APC2: variants seen among roughly 807,000 people sequenced by gnomAD.
APC2 encodes APC regulator of Wnt signaling pathway 2, also known as adenomatous polyposis coli protein 2.
APC2 carries 41 observed loss-of-function variants against 72.5 expected under a neutral mutation model. That is an observed-to-expected ratio of 0.57 (90% CI 0.44 to 0.73). The LOEUF is 0.73. Ranked by LOEUF, APC2 falls within the 30% of genes least tolerant of loss-of-function variation. The pLI, the probability that APC2 is intolerant of heterozygous loss-of-function variation, is 0.00. For synonymous variants in APC2, 1,898 were observed against 1,612.0 expected (o/e 1.18, Z -4.25); for missense variants, 3,729 against 3,403.4 (o/e 1.10, Z -2.38).
chr19:1,457,489 T>C (rs922319942), intron 9 of APC2: 8 of 572,980 alleles, frequency 1.4e-5, no homozygotes, highest in African/African-American at 8.1e-5. Flanking sequence ...TGGGTAACTC[T>C]GGAAAGTTGG....
At chr19:1,464,632 CTT>C (rs1010096440) in intron 14 of APC2, among the ~76,000 whole-genome samples, 3 of 123,706 alleles carry the variant, frequency 2.4e-5, no homozygotes, top group East Asian at 2.3e-4. Context: ...CTGTTTTTTC[CTT>C]TTTTTTTTTT....
rs1408101539 is a variant in APC2 at position 1,456,303 on chromosome 19, C to A, written c.718-3C>A. 11 of 1,606,178 alleles carry A rather than the reference C, an allele frequency of 6.8e-6. No individual in the cohort carries two copies. In the East Asian group the frequency reaches 2.2e-4, roughly 33 times the overall value. The stretch of plus-strand genomic sequence containing the variant: ...ACCCCCGACCCTGGTGCTCTCCCTG[C>A]AGGCCTTGCTGGCGGTGAAGTCGGT... On this transcript the variant is annotated splice_polypyrimidine_tract_variant and splice_region_variant and intron_variant, in intron 7 of 14. Coordinates refer to ENST00000590469, the MANE Select transcript of APC2 (RefSeq NM_005883.3).
chr19:1,462,752 C>T (rs1398186183), intron 14 of APC2, among the ~76,000 whole-genome samples: 8 of 150,146 alleles, frequency 5.3e-5, no homozygotes, highest in Non-Finnish European at 8.9e-5. Flanking sequence ...GGGCGGATCA[C>T]GAGGTCAGGA....
chr19:1,453,557 T>C lies in APC2; in HGVS notation c.359T>C (p.Phe120Ser), dbSNP rs768415772. Reference protein sequence around the residue: ...VHGSGPSKDSFGELSRATIRL... With the variant: ...VHGSGPSKDSSGELSRATIRL... ...GGCTCCGGGCCCTCCAAGGACAGCT[T>C]TGGGGAGCTGAGCCGGGCCACCATC... The change falls in exon 4 of 15, where the codon TTT becomes TCT. Residue 120 changes from phenylalanine to serine, a missense_variant. Physicochemically the swap from Phe to Ser is radical, Grantham distance 155. Coordinates refer to ENST00000590469, the MANE Select transcript of APC2 (RefSeq NM_005883.3). 9 of 1,611,160 alleles carry C rather than the reference T, an allele frequency of 5.6e-6. No individual in the cohort carries two copies. The African/African-American group carries it at 6.7e-5, about 12-fold the overall frequency.
intron 13 of APC2, 135 bp from the exon 14 acceptor site, chr19:1,461,828 G>C: frequency 1.4e-6 from 1 of 720,086 alleles, no homozygotes; most frequent in Non-Finnish European, 2.2e-6. Context: ...CTCCAGCCTG[G>C]GGGAGAGAGT....
At position 1,457,149 on chromosome 19, in the gene APC2, G is replaced by T; in HGVS notation, c.1113G>T (p.Leu371=). ...QGLARKEMRV[L]HVLEQIRAYC... ...TGGCGCGCAAGGAGATGCGCGTCCT[G>T]CACGTGCTGGAGCAGATCCGGGCCT... The change falls in exon 9 of 15, where the codon CTG becomes CTT. Residue 371 remains leucine, a synonymous_variant. Transcript: ENST00000590469. 1.3e-6 allele frequency: 2 copies of T among 1,588,062 alleles called. No individual in the cohort carries two copies. Among genetic ancestry groups the T allele is most frequent in the Non-Finnish European group, 8.5e-7 (1 of 1,169,944 alleles).
intron 10 of APC2, among the ~76,000 whole-genome samples, chr19:1,458,775 G>A (rs2083878882): frequency 6.6e-6 from 1 of 151,944 alleles, no homozygotes. Context: ...GGAGTGCAGT[G>A]GTACAATCTC....
Position 1,450,299 on chromosome 19 carries a change from C to G in APC2, c.-58C>G. ...GGAGCCGCGCAGAGGGAGGAGGCCC[C>G]AGACCCAGGCGCCCCGCCAGCCCAG... On this transcript the variant is annotated 5_prime_UTR_variant, in exon 1 of 15. Transcript: ENST00000590469. 1 of 985,476 alleles carries G rather than the reference C, an allele frequency of 1.0e-6. No homozygotes were observed. The highest frequency in any genetic ancestry group is 1.2e-6 in the Non-Finnish European group (1 of 829,950). 61.0% of individuals were successfully genotyped at this position (985,476 alleles called of 1,614,324 possible).
chr19:1,451,016 G>A (rs902963501), intron 1 of APC2, among the ~76,000 whole-genome samples: 4 of 152,214 alleles, frequency 2.6e-5, no homozygotes, highest in Non-Finnish European at 4.4e-5. Context: ...GCCATGGAAG[G>A]TGTTTGAGCA....
At chr19:1,448,522 G>A (rs182931055), upstream of APC2, among the ~76,000 whole-genome samples, 548 of 150,912 alleles carry the variant, frequency 3.6e-3, 9 homozygotes, top group African/African-American at 0.013. Context: ...CTGCAGCCTG[G>A]GGGACAGAGC....
At chr19:1,453,203 G>C (rs771120331) in intron 2 of APC2, 44 bp from the exon 3 acceptor site, 6 of 1,563,718 alleles carry the variant, frequency 3.8e-6, no homozygotes, top group Admixed American at 3.8e-5. Flanking sequence ...CGGCAGCCCA[G>C]TGCAGTGGCT....
At chr19:1,454,934 A>G (rs997562768) in intron 4 of APC2, among the ~76,000 whole-genome samples, 83 of 150,050 alleles carry the variant, frequency 5.5e-4, no homozygotes, top group African/African-American at 2.0e-3. Flanking sequence ...TGTTGCCCAG[A>G]CTGTTTTCTC....
chr19:1,450,852 A>T (rs1374930262), intron 1 of APC2, among the ~76,000 whole-genome samples: 2 of 152,172 alleles, frequency 1.3e-5, no homozygotes, highest in Non-Finnish European at 2.9e-5. Flanking sequence ...AGCTTCGTGG[A>T]AGAAGCTGCA....
At chr19:1,454,032 G>A (rs922111265) in intron 4 of APC2, among the ~76,000 whole-genome samples, 1 of 152,202 alleles carries the variant, frequency 6.6e-6, no homozygotes, top group African/African-American at 2.4e-5. Context: ...CCAGCAGAGG[G>A]AGGCAGGGTC....
chr19:1,467,772 G>A lies in APC2; in HGVS notation c.4471G>A (p.Gly1491Arg), dbSNP rs1385912837. The change falls in exon 15 of 15, where the codon GGG becomes AGG. Residue 1491 changes from glycine (G) to arginine (R), a missense_variant. Gly to Arg is a moderately radical substitution (Grantham distance 125, BLOSUM62 -2). Coordinates refer to ENST00000590469, the MANE Select transcript of APC2 (RefSeq NM_005883.3). ...AAAGCCCGGCCGGACCCGCGGGGAC[G>A]GGGCGCTCCAGTCGCTGTGCCTCAC... ...GSKPGRTRGD[G>R]ALQSLCLTTP... 3 of 1,429,194 alleles carry A rather than the reference G, an allele frequency of 2.1e-6. No individual in the cohort carries two copies. Among genetic ancestry groups the A allele is most frequent in the African/African-American group, 1.5e-5 (1 of 67,000 alleles). The allele number at this position is 1,429,194 out of a possible 1,614,324, so 88.5% of individuals were successfully genotyped here. A position where few individuals can be genotyped will look rare whatever the true frequency, so the allele number is the denominator to read the frequency against.
In APC2 at chr19:1,465,600, C is replaced by G. The variant is rs1488389524; in HGVS notation, c.2299C>G (p.Leu767Val). 1.3e-6 allele frequency: 2 copies of G among 1,590,990 alleles called. No individual in the cohort carries two copies. Among genetic ancestry groups the G allele is most frequent in the Non-Finnish European group, 1.7e-6 (2 of 1,170,260 alleles). The change falls in exon 15 of 15, where the codon CTG (leucine) becomes GTG (valine). Residue 767 changes from leucine to valine, a missense_variant. Coordinates refer to ENST00000590469, the MANE Select transcript of APC2 (RefSeq NM_005883.3). ...GCCGCCCCTGCGACACCTGGACGGC[C>G]TGGCCCAAGACTATGCTTCCGATTC... is the stretch of plus-strand genomic sequence containing the variant. ...PLPPLRHLDG[L>V]AQDYASDSGC...
At chr19:1,465,072 A>G in intron 14 of APC2, 83 bp from the exon 15 acceptor site, 1 of 1,480,790 alleles carries the variant, frequency 6.8e-7, no homozygotes, top group Non-Finnish European at 9.1e-7. Flanking sequence ...GTTTACTTTT[A>G]CCTGCCACAT....
upstream of APC2, among the ~76,000 whole-genome samples, chr19:1,448,451 C>G (rs2083706211): frequency 6.6e-6 from 1 of 151,238 alleles, no homozygotes; most frequent in Non-Finnish European, 1.5e-5. Flanking sequence ...GAGTCTGAGG[C>G]AGGAGAATCA....
Position 1,452,915 on chromosome 19 carries a change from G to T in APC2, c.-18-69G>T. 1 of 1,531,418 alleles carries T rather than the reference G, an allele frequency of 6.5e-7. No homozygotes were observed. Among genetic ancestry groups the T allele is most frequent in the Non-Finnish European group, 8.8e-7 (1 of 1,135,936 alleles). 94.9% of individuals were successfully genotyped at this position (1,531,418 alleles called of 1,614,324 possible). A position where few individuals can be genotyped will look rare whatever the true frequency, so the allele number is the denominator to read the frequency against. On this transcript the variant is annotated intron_variant, in intron 1 of 14. Transcript: ENST00000590469. The surrounding 1 kb of genome is among the most constrained non-coding windows in gnomAD (Gnocchi z 5.1). ...ACGGCTGGGGCTTAGGTCAGGGGCC[G>T]TCTGTCCGGAAGGCATCACCGCGCC...
Sources: gnomAD v4.1 joint callset for allele counts (sites outside exome capture counted in the v4.1 genomes callset) on GRCh38, gnomAD v4.1.1 for gene constraint, Gnocchi (gnomAD v3.1) non-coding constraint, MANE v1.5 for transcripts, NCBI Gene and HGNC (gene_info 2026-07-23, HGNC 2026-07-21) for gene names.